Variants in MRPS6 observed in about 807,000 individuals in gnomAD.
MRPS6 encodes mitochondrial ribosomal protein S6.
MRPS6 carries 6 observed loss-of-function variants against 13.1 expected under a neutral mutation model. The ratio of observed to expected loss-of-function variants is 0.46; its 90% confidence interval spans 0.25 to 0.91. The LOEUF (loss-of-function observed/expected upper bound fraction) is 0.91. Ranked by LOEUF, MRPS6 falls within the 40% of genes least tolerant of loss-of-function variation. MRPS6 has a pLI of 0.18. For missense variants in MRPS6, 164 were observed against 155.6 expected, an observed-to-expected ratio of 1.05 and a Z score of -0.29; for synonymous variants, 61 against 56.5, an observed-to-expected ratio of 1.08 and a Z score of -0.36.
chr21:34,136,781 A>C (rs1465052662), intron 2 of MRPS6, among the ~76,000 whole-genome samples: 1 of 152,148 alleles, frequency 6.6e-6, no homozygotes, highest in Non-Finnish European at 1.5e-5. Context: ...CTAATTTATC[A>C]ATTTTTTCTA....
At chr21:34,124,332 A>G (rs755601857) in intron 1 of MRPS6, 4 of 152,098 alleles carry the variant, frequency 2.6e-5, no homozygotes, top group African/African-American at 4.8e-5. Flanking sequence ...CATTCTCCAC[A>G]TTGCATTCGT....
intron 1 of MRPS6, among the ~76,000 whole-genome samples, chr21:34,118,953 T>C (rs1164708946): frequency 6.6e-6 from 1 of 152,238 alleles, no homozygotes; most frequent in Non-Finnish European, 1.5e-5. Context: ...CTTCAAGTTA[T>C]AACTTCAGGT....
chr21:34,105,448 TCAG>T (rs1979435244), intron 1 of MRPS6: 2 of 998,752 alleles, frequency 2.0e-6, no homozygotes, highest in Non-Finnish European at 2.4e-6. Flanking sequence ...AAGCCAAATG[TCAG>T]CAGAGTGCTG....
At chr21:34,084,755 CTGT>C (rs1989533364) in intron 1 of MRPS6, among the ~76,000 whole-genome samples, 1 of 152,156 alleles carries the variant, frequency 6.6e-6, no homozygotes, top group Non-Finnish European at 1.5e-5. Context: ...TCAGCTTCAA[CTGT>C]TAATTTCCAG....
At chr21:34,091,343 T>G (rs1019992454) in intron 1 of MRPS6, among the ~76,000 whole-genome samples, 2 of 152,192 alleles carry the variant, frequency 1.3e-5, no homozygotes, top group African/African-American at 4.8e-5. Context: ...TTGGTTTTAG[T>G]GGCAGGTGGT....
intron 2 of MRPS6, among the ~76,000 whole-genome samples, chr21:34,127,954 G>T (rs972245891): frequency 1.2e-4 from 18 of 152,218 alleles, no homozygotes; most frequent in African/African-American, 3.9e-4. Flanking sequence ...CGAAATTACG[G>T]CAAGGCGCTG....
At chr21:34,136,160 T>A (rs763999076) in intron 2 of MRPS6, 92 of 163,556 alleles carry the variant, frequency 5.6e-4, no homozygotes, top group Non-Finnish European at 1.1e-3. Flanking sequence ...TTTTCTTTTT[T>A]TTTTTGAGAC....
intron 1 of MRPS6, among the ~76,000 whole-genome samples, chr21:34,093,587 C>T (rs955030814): frequency 6.6e-6 from 1 of 151,536 alleles, no homozygotes; most frequent in African/African-American, 2.4e-5. Flanking sequence ...CTAGAATCAT[C>T]AGAAAAAGCA....
At chr21:34,105,608 T>C (rs926986794) in intron 1 of MRPS6, 2 of 1,000,012 alleles carry the variant, frequency 2.0e-6, no homozygotes, top group East Asian at 2.3e-4. Flanking sequence ...GGGGTGTATA[T>C]TGTGTACATG....
At chr21:34,121,492 T>C (rs190600147) in intron 1 of MRPS6, among the ~76,000 whole-genome samples, 2 of 152,298 alleles carry the variant, frequency 1.3e-5, no homozygotes, top group East Asian at 1.9e-4. Context: ...TTCATTCCTT[T>C]CTTTCTGTAT....
At chr21:34,076,643 TAAA>T (rs781655741) in intron 1 of MRPS6, among the ~76,000 whole-genome samples, 42 of 152,284 alleles carry the variant, frequency 2.8e-4, no homozygotes, top group African/African-American at 7.2e-4. Context: ...AGTGTGTATA[TAAA>T]AAAAGTTATT....
At chr21:34,134,996 G>T (rs1177301679) in intron 2 of MRPS6, among the ~76,000 whole-genome samples, 1 of 152,184 alleles carries the variant, frequency 6.6e-6, no homozygotes, top group Non-Finnish European at 1.5e-5. Context: ...TATATTGTAA[G>T]TTGAGGAACA....
chr21:34,079,505 G>A (rs1442727383), intron 1 of MRPS6, among the ~76,000 whole-genome samples: 4 of 151,244 alleles, frequency 2.6e-5, no homozygotes, highest in African/African-American at 7.3e-5. Flanking sequence ...GCACGATCTC[G>A]GCTCACTGCA....
intron 1 of MRPS6, chr21:34,097,800 A>G (rs539706961): frequency 2.0e-6 from 2 of 1,000,420 alleles, no homozygotes; most frequent in South Asian, 4.7e-5. Flanking sequence ...TTTCTTAGAC[A>G]TTGTACAATC....
chr21:34,100,828 T>G, intron 1 of MRPS6: 1 of 1,000,256 alleles, frequency 1.0e-6, no homozygotes, highest in Middle Eastern at 5.2e-4. Context: ...TGGTGTGGCC[T>G]GTGGGTTATT....
intron 1 of MRPS6, among the ~76,000 whole-genome samples, chr21:34,118,673 C>A (rs1980016703): frequency 6.6e-6 from 1 of 151,716 alleles, no homozygotes; most frequent in African/African-American, 2.4e-5. Flanking sequence ...CACCACCACG[C>A]CTGGCTAATT....
chr21:34,100,548 AT>A, intron 1 of MRPS6: 1 of 1,000,202 alleles, frequency 1.0e-6, no homozygotes, highest in Non-Finnish European at 1.2e-6. Context: ...CAAAGGATCC[AT>A]TGTATTTTGG....
chr21:34,119,161 A>G (rs776556562), intron 1 of MRPS6, among the ~76,000 whole-genome samples: 13 of 152,232 alleles, frequency 8.5e-5, no homozygotes, highest in Non-Finnish European at 1.8e-4. Flanking sequence ...GAGGTTCTCT[A>G]CAATGAAGAA....
At chr21:34,108,934 T>C (rs7284022) in intron 1 of MRPS6, among the ~76,000 whole-genome samples, 3,267 of 152,270 alleles carry the variant, frequency 0.021, 124 homozygotes, top group African/African-American at 0.073. Context: ...CCCTGCTCTC[T>C]CCTGCTTAGA....
Sources: allele counts gnomAD v4.1 joint callset (sites outside exome capture counted in the v4.1 genomes callset), GRCh38; gene constraint gnomAD v4.1.1; transcripts MANE v1.5; gene names NCBI Gene and HGNC (gene_info 2026-07-23, HGNC 2026-07-21).